Variants in ROBO2 observed in about 807,000 individuals in gnomAD.
The protein encoded by ROBO2 is roundabout guidance receptor 2.
Under a neutral mutation model 160.8 loss-of-function variants are expected in ROBO2, and 53 were observed. That is an observed-to-expected ratio of 0.33 (90% CI 0.26 to 0.41). ROBO2 has a LOEUF of 0.41. ROBO2 is among the 10% of genes least tolerant of loss of function. The probability of loss-of-function intolerance (pLI) is 1.00; values close to 1 mark genes in which losing one functional copy is unlikely to be tolerated. For missense variants in ROBO2, 1,577 were observed against 1,722.4 expected (o/e 0.92, Z 1.49); for synonymous variants, 664 against 611.7 (o/e 1.09, Z -1.26).
chr3:76,726,390 C>G (rs886954492), intron 2 of ROBO2, among the ~76,000 whole-genome samples: 1 of 152,074 alleles, frequency 6.6e-6, no homozygotes, highest in Non-Finnish European at 1.5e-5. Flanking sequence ...ACACTTTGCC[C>G]TCCCGCAACT....
chr3:77,282,883 T>A (rs899254039), intron 2 of ROBO2, among the ~76,000 whole-genome samples: 1 of 151,326 alleles, frequency 6.6e-6, no homozygotes, highest in Non-Finnish European at 1.5e-5. Flanking sequence ...AAAGTTTTTA[T>A]AAATGAAATA....
At chr3:76,136,187 G>A (rs1350472964) in intron 2 of ROBO2, among the ~76,000 whole-genome samples, 1 of 152,052 alleles carries the variant, frequency 6.6e-6, no homozygotes, top group Non-Finnish European at 1.5e-5. Flanking sequence ...GGTATTATTG[G>A]CATAATACTC....
intron 2 of ROBO2, among the ~76,000 whole-genome samples, chr3:76,119,820 A>G (rs1160791281): frequency 2.6e-5 from 4 of 151,764 alleles, no homozygotes; most frequent in East Asian, 3.9e-4. Context: ...CTGACCACAC[A>G]TGACTTACCT....
chr3:76,271,100 T>G (rs929618759), intron 2 of ROBO2, among the ~76,000 whole-genome samples: 1 of 152,166 alleles, frequency 6.6e-6, no homozygotes, highest in Admixed American at 6.5e-5. Context: ...AAAGATGTTT[T>G]TATAGATTAT....
chr3:76,264,764 C>T (rs1273315077), intron 2 of ROBO2, among the ~76,000 whole-genome samples: 1 of 152,078 alleles, frequency 6.6e-6, no homozygotes. Context: ...GCTCTTGTCC[C>T]TGTGTAGTAG....
chr3:76,940,147 A>G (rs913585393), intron 2 of ROBO2, among the ~76,000 whole-genome samples: 7 of 151,740 alleles, frequency 4.6e-5, no homozygotes, highest in Non-Finnish European at 5.9e-5. Flanking sequence ...ACGCCCGGGT[A>G]ATTTTTTTGT....
chr3:75,933,995 A>C (rs1389908119), intron 1 of ROBO2, among the ~76,000 whole-genome samples: 3 of 152,092 alleles, frequency 2.0e-5, no homozygotes, highest in Non-Finnish European at 2.9e-5. Flanking sequence ...GAGCCTCCAG[A>C]CTCCACAACA....
chr3:76,808,557 C>T (rs1238997324), intron 2 of ROBO2, among the ~76,000 whole-genome samples: 1 of 151,888 alleles, frequency 6.6e-6, no homozygotes, highest in African/African-American at 2.4e-5. Flanking sequence ...TATAAGAGCC[C>T]GTCTTACTGA....
chr3:76,225,486 A>C (rs1446169243), intron 2 of ROBO2, among the ~76,000 whole-genome samples: 2 of 152,174 alleles, frequency 1.3e-5, no homozygotes, highest in East Asian at 3.9e-4. Context: ...AAGCCAATGC[A>C]GGCAAATTGC....
rs1346628363 is a variant in ROBO2 at position 76,185,940 on chromosome 3, T to G, written c.109+248338T>G. ...TTCTCATTAAAGGAAACACAGATTTTTTTTTTTTTTTGAGACAGGGTCTCA... is the reference window on the plus strand; with the variant it reads ...TTCTCATTAAAGGAAACACAGATTTGTTTTTTTTTTTGAGACAGGGTCTCA... On this transcript the variant is annotated intron_variant, in intron 2 of 26. Coordinates refer to the ROBO2 transcript ENST00000487694. Among the ~76,000 whole-genome samples, 3 of 151,072 alleles carry G rather than the reference T, an allele frequency of 2.0e-5. No individual in the cohort carries two copies. The East Asian group carries it at 5.9e-4, about 30-fold the overall frequency.
intron 2 of ROBO2, among the ~76,000 whole-genome samples, chr3:76,251,558 A>G (rs1041308795): frequency 2.0e-5 from 3 of 152,054 alleles, no homozygotes; most frequent in African/African-American, 7.2e-5. Context: ...AAAGTGTCAT[A>G]TTTTTCATGT....
At chr3:76,940,459 C>CA (rs1356143824) in intron 2 of ROBO2, among the ~76,000 whole-genome samples, 3 of 152,160 alleles carry the variant, frequency 2.0e-5, no homozygotes, top group African/African-American at 4.8e-5. Flanking sequence ...CTCGATACAA[C>CA]AAAAAATCCA....
At chr3:76,353,898 G>A (rs2075017750) in intron 2 of ROBO2, among the ~76,000 whole-genome samples, 1 of 151,858 alleles carries the variant, frequency 6.6e-6, no homozygotes, top group African/African-American at 2.4e-5. Context: ...ATCTCAGCTT[G>A]CTTCACGTTT....
intron 2 of ROBO2, among the ~76,000 whole-genome samples, chr3:76,807,253 C>T (rs895985259): frequency 6.6e-6 from 1 of 152,022 alleles, no homozygotes; most frequent in Admixed American, 6.6e-5. Flanking sequence ...TAGTTCATAA[C>T]AACCTGAACT....
intron 2 of ROBO2, among the ~76,000 whole-genome samples, chr3:77,145,358 G>A (rs1026612030): frequency 1.3e-5 from 2 of 152,156 alleles, no homozygotes; most frequent in African/African-American, 4.8e-5. Flanking sequence ...ACAAAAAAAT[G>A]TGTATTTATA....
intron 1 of ROBO2, among the ~76,000 whole-genome samples, chr3:75,909,401 T>C (rs1052474330): frequency 1.3e-5 from 2 of 152,202 alleles, no homozygotes; most frequent in South Asian, 2.1e-4. Flanking sequence ...TGAAACTTTT[T>C]GGAGTCTCAA....
At chr3:76,310,578 T>C (rs760830497) in intron 2 of ROBO2, among the ~76,000 whole-genome samples, 6 of 152,204 alleles carry the variant, frequency 3.9e-5, no homozygotes, top group Non-Finnish European at 2.9e-5. Context: ...TTAGTGCCGA[T>C]GCAATCCCCT....
At chr3:76,509,559 C>A (rs1373889555) in intron 2 of ROBO2, among the ~76,000 whole-genome samples, 1 of 152,066 alleles carries the variant, frequency 6.6e-6, no homozygotes, top group Non-Finnish European at 1.5e-5. Context: ...TTACATGGTA[C>A]CTGTAGAGAG....
intron 2 of ROBO2, among the ~76,000 whole-genome samples, chr3:76,793,113 T>G (rs929873027): frequency 4.0e-5 from 6 of 151,780 alleles, no homozygotes; most frequent in Admixed American, 1.3e-4. Flanking sequence ...ATCCCAAATT[T>G]TCCCATATAT....
Sources: allele counts gnomAD v4.1 joint callset (sites outside exome capture counted in the v4.1 genomes callset), GRCh38; gene constraint gnomAD v4.1.1; transcripts MANE v1.5; gene names NCBI Gene and HGNC (gene_info 2026-07-23, HGNC 2026-07-21).